MAD1L1: variants seen among roughly 807,000 people sequenced by gnomAD.
The protein encoded by MAD1L1 is mitotic arrest deficient 1 like 1.
MAD1L1 carries 95 observed loss-of-function variants against 96.9 expected under a neutral mutation model. The observed-to-expected ratio is 0.98, with a 90% confidence interval of 0.83 to 1.16. The LOEUF (loss-of-function observed/expected upper bound fraction) is 1.16. Among genes scored for constraint, MAD1L1 ranks in the 50% most tolerant of loss-of-function variants. The probability of loss-of-function intolerance (pLI) is 0.00; values close to 1 mark genes in which losing one functional copy is unlikely to be tolerated. For missense variants in MAD1L1, 1,007 were observed against 954.4 expected (o/e 1.06, Z -0.73); for synonymous variants, 473 against 396.6 (o/e 1.19, Z -2.29).
chr7:2,005,448 C>T (rs544020951), intron 13 of MAD1L1, among the ~76,000 whole-genome samples: 6 of 152,270 alleles, frequency 3.9e-5, no homozygotes, highest in African/African-American at 1.4e-4. Context: ...AAAACATATA[C>T]TCTAGCACCC....
chr7:1,912,602 C>G (rs922892693), intron 17 of MAD1L1, among the ~76,000 whole-genome samples: 1 of 152,160 alleles, frequency 6.6e-6, no homozygotes, highest in African/African-American at 2.4e-5. Flanking sequence ...ATCCCTGCAC[C>G]AGTGGGGGAA....
chr7:1,981,705 G>A (rs1236284636), intron 14 of MAD1L1, among the ~76,000 whole-genome samples: 1 of 152,176 alleles, frequency 6.6e-6, no homozygotes. Flanking sequence ...CAGTGAAGCT[G>A]CAAAGCCTGC....
At chr7:1,977,050 C>T (rs974079534) in intron 15 of MAD1L1, among the ~76,000 whole-genome samples, 5 of 152,262 alleles carry the variant, frequency 3.3e-5, no homozygotes, top group African/African-American at 7.2e-5. Context: ...AGCTGGCTTC[C>T]GACAGTGGAT....
At chr7:2,182,222 G>A (rs1462255363) in intron 10 of MAD1L1, among the ~76,000 whole-genome samples, 1 of 151,814 alleles carries the variant, frequency 6.6e-6, no homozygotes, top group African/African-American at 2.4e-5. Context: ...CCCACAATAA[G>A]TCATTGTTTA....
At chr7:2,071,386 T>C (rs769147902) in intron 11 of MAD1L1, among the ~76,000 whole-genome samples, 73 of 152,350 alleles carry the variant, frequency 4.8e-4, no homozygotes, top group African/African-American at 1.7e-3. Context: ...CTGGGGCCAA[T>C]GTACTGGCGT....
At chr7:2,197,844 A>T (rs760535323) in intron 10 of MAD1L1, among the ~76,000 whole-genome samples, 1 of 152,152 alleles carries the variant, frequency 6.6e-6, no homozygotes. Context: ...ACATTCCCAA[A>T]ACAGAGTTCA....
At chr7:1,929,560 G>A (rs1349318508) in intron 17 of MAD1L1, among the ~76,000 whole-genome samples, 7 of 152,106 alleles carry the variant, frequency 4.6e-5, no homozygotes, top group Non-Finnish European at 2.9e-5. Context: ...GAACTTCCGA[G>A]CAGGGACTCA....
chr7:2,143,779 C>T (rs779901937), intron 11 of MAD1L1, among the ~76,000 whole-genome samples: 13 of 152,158 alleles, frequency 8.5e-5, no homozygotes, highest in African/African-American at 1.4e-4. Context: ...AAACAAACTG[C>T]GGCGATCACA....
intron 9 of MAD1L1, among the ~76,000 whole-genome samples, chr7:2,215,326 C>A (rs557126167): frequency 6.8e-6 from 1 of 147,494 alleles, no homozygotes; most frequent in Admixed American, 7.0e-5. Context: ...TGCAGTGAGC[C>A]GAGATCGCAC....
In MAD1L1 at chr7:2,002,142, C is replaced by T. The variant is rs202116184; in HGVS notation, c.1360-21G>A. The T allele has an allele frequency of 1.9e-4, 313 of 1,611,608 alleles. 2 individuals are homozygous for T. In the East Asian group the frequency reaches 4.8e-3, roughly 25 times the overall value. Reference sequence around the variant, plus strand: ...TGAGCCTGCAAGACAAGACAGGATTCGGCCTGAGACTGTGGTGGGCCAGGC... The same window carrying T: ...TGAGCCTGCAAGACAAGACAGGATTTGGCCTGAGACTGTGGTGGGCCAGGC... On this transcript the variant is annotated intron_variant, in intron 13 of 18. Coordinates refer to ENST00000265854, the MANE Select transcript of MAD1L1 (RefSeq NM_001013836.2).
At chr7:1,906,952 C>T (rs1787673638) in intron 17 of MAD1L1, among the ~76,000 whole-genome samples, 1 of 152,228 alleles carries the variant, frequency 6.6e-6, no homozygotes, top group Non-Finnish European at 1.5e-5. Context: ...GAACATACAG[C>T]CTTCCCATGG....
chr7:2,094,315 G>A (rs1014297340), intron 11 of MAD1L1, among the ~76,000 whole-genome samples: 4 of 152,174 alleles, frequency 2.6e-5, no homozygotes, highest in Non-Finnish European at 4.4e-5. Context: ...CTCTCACATC[G>A]GGAACGGGAC....
chr7:2,217,383 G>T (rs916473297), intron 7 of MAD1L1, among the ~76,000 whole-genome samples: 1 of 152,312 alleles, frequency 6.6e-6, no homozygotes, highest in East Asian at 1.9e-4. Context: ...CACCAGGAGC[G>T]GACATGGCAG....
chr7:2,205,333 G>A (rs975573199), intron 10 of MAD1L1, among the ~76,000 whole-genome samples: 1 of 152,036 alleles, frequency 6.6e-6, no homozygotes, highest in Non-Finnish European at 1.5e-5. Flanking sequence ...GTAACCAGAC[G>A]TTGTCAGATT....
intron 10 of MAD1L1, among the ~76,000 whole-genome samples, chr7:2,164,476 T>C (rs1335767473): frequency 6.6e-6 from 1 of 151,114 alleles, no homozygotes; most frequent in African/African-American, 2.4e-5. Context: ...CCCACGCCCA[T>C]CGCCCGAGCA....
At chr7:2,115,790 G>C (rs1294512055) in intron 11 of MAD1L1, among the ~76,000 whole-genome samples, 1 of 152,268 alleles carries the variant, frequency 6.6e-6, no homozygotes, top group South Asian at 2.1e-4. Flanking sequence ...TGCATGGAGC[G>C]CTCGGAGCAG....
intron 18 of MAD1L1, among the ~76,000 whole-genome samples, chr7:1,821,093 A>AG (rs757288347): frequency 0.052 from 1,444 of 27,650 alleles, 16 homozygotes; most frequent in Non-Finnish European, 0.094. Flanking sequence ...AAAAAAAAAA[A>AG]GGGGGGGGGG....
chr7:2,225,101 A>G (rs1329261996), intron 4 of MAD1L1, among the ~76,000 whole-genome samples: 1 of 152,234 alleles, frequency 6.6e-6, no homozygotes, highest in Non-Finnish European at 1.5e-5. Context: ...CCTCTAGGAC[A>G]TCAAGCATAA....
chr7:2,099,287 C>T (rs947308121), intron 11 of MAD1L1, among the ~76,000 whole-genome samples: 4 of 152,244 alleles, frequency 2.6e-5, no homozygotes, highest in East Asian at 1.9e-4. Context: ...CTCCGGCGCC[C>T]GGCCCACTGT....
Sources: gnomAD v4.1 joint callset for allele counts (sites outside exome capture counted in the v4.1 genomes callset) on GRCh38, gnomAD v4.1.1 for gene constraint, MANE v1.5 for transcripts, NCBI Gene and HGNC (gene_info 2026-07-23, HGNC 2026-07-21) for gene names.